The following GMDS variants were observed in gnomAD, a reference collection of about 807,000 sequenced individuals.
GMDS encodes the protein GDP-mannose 4,6-dehydratase, also known as GDP-mannose 4,6 dehydratase.
Under a neutral mutation model 49.9 loss-of-function variants are expected in GMDS, and 20 were observed. That is an observed-to-expected ratio of 0.40 (90% CI 0.28 to 0.58). The LOEUF is 0.58. GMDS is among the 20% of genes least tolerant of loss of function. The pLI is 0.42. For synonymous variants in GMDS, 177 were observed against 178.6 expected (o/e 0.99, Z 0.07); for missense variants, 362 against 481.4 (o/e 0.75, Z 2.32).
chr6:1,957,862 G>T (rs1763728011), intron 6 of GMDS, among the ~76,000 whole-genome samples: 1 of 152,078 alleles, frequency 6.6e-6, no homozygotes, highest in South Asian at 2.1e-4. Context: ...GAGTGCAGTG[G>T]CACAATTATA....
chr6:1,794,616 A>C (rs1769667451), intron 7 of GMDS, among the ~76,000 whole-genome samples: 1 of 152,204 alleles, frequency 6.6e-6, no homozygotes, highest in South Asian at 2.1e-4. Flanking sequence ...GGGTTGAAGG[A>C]ATGATTAAAT....
chr6:1,885,900 A>G (rs1759579789), intron 7 of GMDS, among the ~76,000 whole-genome samples: 1 of 152,190 alleles, frequency 6.6e-6, no homozygotes, highest in African/African-American at 2.4e-5. Flanking sequence ...TGAACTCACC[A>G]GGCTGCACTG....
chr6:2,018,999 G>T (rs1365813547), intron 4 of GMDS, among the ~76,000 whole-genome samples: 2 of 151,840 alleles, frequency 1.3e-5, no homozygotes, highest in African/African-American at 4.8e-5. Context: ...TCAACGCTTG[G>T]TACTGTCTTT....
intron 4 of GMDS, among the ~76,000 whole-genome samples, chr6:1,972,123 T>A (rs1326099981): frequency 2.0e-5 from 3 of 152,210 alleles, no homozygotes; most frequent in Non-Finnish European, 4.4e-5. Context: ...CCACAACCTC[T>A]GAGAACCTCT....
intron 7 of GMDS, among the ~76,000 whole-genome samples, chr6:1,752,379 G>T (rs1032051123): frequency 6.8e-6 from 1 of 146,818 alleles, no homozygotes; most frequent in Non-Finnish European, 1.5e-5. Context: ...AGAAATATGG[G>T]ACTATGTGAA....
At chr6:2,083,072 T>C (rs1454257899) in intron 4 of GMDS, among the ~76,000 whole-genome samples, 2 of 152,220 alleles carry the variant, frequency 1.3e-5, no homozygotes, top group Admixed American at 6.5e-5. Flanking sequence ...TTTCAGAGAA[T>C]TGAGTATAAA....
At chr6:1,986,670 A>G (rs1052623855) in intron 4 of GMDS, among the ~76,000 whole-genome samples, 7 of 152,194 alleles carry the variant, frequency 4.6e-5, no homozygotes, top group Non-Finnish European at 8.8e-5. Context: ...GGAGACCCTG[A>G]GAATCATGAT....
At chr6:1,888,137 T>A (rs9391936) in intron 7 of GMDS, among the ~76,000 whole-genome samples, 52,331 of 117,178 alleles carry the variant, frequency 0.45, 9,833 homozygotes, top group East Asian at 0.59. Context: ...TATTATTATT[T>A]TTTTTTTTTT....
intron 7 of GMDS, among the ~76,000 whole-genome samples, chr6:1,841,665 G>A (rs1015112671): frequency 6.6e-6 from 1 of 152,154 alleles, no homozygotes; most frequent in African/African-American, 2.4e-5. Context: ...TTTTGCTGTA[G>A]TGTCACTGCT....
intron 1 of GMDS, among the ~76,000 whole-genome samples, chr6:2,125,106 A>G (rs894113097): frequency 2.6e-5 from 4 of 152,214 alleles, no homozygotes; most frequent in African/African-American, 9.6e-5. Context: ...ATAGCAACAT[A>G]AAGCAGAAAT....
intron 4 of GMDS, among the ~76,000 whole-genome samples, chr6:1,988,749 TAAATC>T (rs1272473625): frequency 1.3e-5 from 2 of 151,732 alleles, no homozygotes; most frequent in African/African-American, 2.4e-5. Context: ...CAAAAGAAAA[TAAATC>T]AATATTTTAA....
intron 4 of GMDS, among the ~76,000 whole-genome samples, chr6:1,998,845 C>G (rs892141816): frequency 2.7e-5 from 4 of 149,990 alleles, no homozygotes; most frequent in African/African-American, 9.9e-5. Flanking sequence ...CAAGGGACAG[C>G]TGTATTAAGC....
At chr6:1,633,746 G>T (rs906546652) in intron 9 of GMDS, among the ~76,000 whole-genome samples, 2 of 152,166 alleles carry the variant, frequency 1.3e-5, no homozygotes, top group Non-Finnish European at 2.9e-5. Flanking sequence ...ACGGGGAGAG[G>T]AGCCCATGAC....
At chr6:2,081,969 T>C (rs1308309784) in intron 4 of GMDS, among the ~76,000 whole-genome samples, 1 of 152,128 alleles carries the variant, frequency 6.6e-6, no homozygotes, top group African/African-American at 2.4e-5. Context: ...ACAAACCCAA[T>C]GCCCAGCTCA....
At chr6:1,825,988 C>A (rs538353939) in intron 7 of GMDS, among the ~76,000 whole-genome samples, 1 of 152,222 alleles carries the variant, frequency 6.6e-6, no homozygotes, top group South Asian at 2.1e-4. Flanking sequence ...TGTACTCCAG[C>A]CTGGGCGACA....
At chr6:1,957,488 ATC>A (rs1352178864) in intron 6 of GMDS, among the ~76,000 whole-genome samples, 3 of 152,242 alleles carry the variant, frequency 2.0e-5, no homozygotes, top group Non-Finnish European at 2.9e-5. Context: ...TTTCACGTAC[ATC>A]TCTTTTTCTC....
At chr6:2,075,337 T>C (rs1772268372) in intron 4 of GMDS, among the ~76,000 whole-genome samples, 1 of 152,080 alleles carries the variant, frequency 6.6e-6, no homozygotes, top group Non-Finnish European at 1.5e-5. Context: ...TTGTTACATA[T>C]GTATACATGT....
intron 7 of GMDS, among the ~76,000 whole-genome samples, 192 bp from the exon 8 acceptor site, chr6:1,742,778 G>A (rs556754404): frequency 4.6e-5 from 7 of 152,342 alleles, no homozygotes; most frequent in Admixed American, 6.5e-5. Context: ...ACTTCTTGGT[G>A]TGGATGCCAG....
intron 1 of GMDS, among the ~76,000 whole-genome samples, chr6:2,236,633 C>T (rs977290032): frequency 2.6e-5 from 4 of 151,936 alleles, no homozygotes; most frequent in East Asian, 1.9e-4. Flanking sequence ...TTTAAAGAAC[C>T]GATGTAAAAA....
Sources: allele counts gnomAD v4.1 joint callset (sites outside exome capture counted in the v4.1 genomes callset), GRCh38; gene constraint gnomAD v4.1.1; transcripts MANE v1.5; gene names NCBI Gene and HGNC (gene_info 2026-07-23, HGNC 2026-07-21).